The following CAMTA1 variants were observed in gnomAD, a reference collection of about 807,000 sequenced individuals.
CAMTA1 encodes the protein calmodulin-binding transcription activator 1.
CAMTA1 carries 27 observed loss-of-function variants against 170.9 expected under a neutral mutation model. The ratio of observed to expected loss-of-function variants is 0.16; its 90% CI spans 0.12 to 0.22. CAMTA1 has a LOEUF of 0.22. Among genes scored for constraint, CAMTA1 ranks in the 10% least tolerant of loss-of-function variants. The pLI, the probability that CAMTA1 is intolerant of heterozygous loss-of-function variation, is 1.00. For synonymous variants in CAMTA1, 833 were observed against 891.5 expected, an observed-to-expected ratio of 0.93 and a Z score of 1.17; for missense variants, 1,619 against 2,217.2, an observed-to-expected ratio of 0.73 and a Z score of 5.42.
chr1:7,204,805 GTTTCTTTTTTTTTTTTCTTTT>G (rs1657370399), intron 4 of CAMTA1, among the ~76,000 whole-genome samples: 1 of 109,128 alleles, frequency 9.2e-6, no homozygotes. Flanking sequence ...TTGGGTCAGA[GTTTCTTTTTTTTTTTTCTTTT>G]TTTCTTTTTT....
chr1:7,167,264 G>C (rs1326878836), intron 4 of CAMTA1, among the ~76,000 whole-genome samples: 1 of 152,040 alleles, frequency 6.6e-6, no homozygotes, highest in East Asian at 1.9e-4. Flanking sequence ...AATTCATTTT[G>C]TGTAGGAAAA....
chr1:7,030,927 C>A (rs146464779), intron 3 of CAMTA1, among the ~76,000 whole-genome samples: 1 of 151,328 alleles, frequency 6.6e-6, no homozygotes, highest in Admixed American at 6.6e-5. Context: ...CTCCGCCTCC[C>A]GGGTTCACGC....
Position 7,065,506 on chromosome 1 carries a change from A to G in CAMTA1, c.235-25798A>G, listed in dbSNP as rs954790267. ...AGAAACTAATTTTGACTGGGCAACT[A>G]TGCAGAAGAAAGCCCGCTTTAGGAG... On this transcript the variant is annotated intron_variant, in intron 3 of 22. Coordinates refer to ENST00000303635, the MANE Select transcript of CAMTA1 (RefSeq NM_015215.4). The surrounding 1 kb of genome is among the most constrained non-coding windows in gnomAD (Gnocchi z 5.2). Among the ~76,000 whole-genome samples the G allele has an allele frequency of 2.0e-4, 30 of 152,200 alleles. No homozygotes were observed. Among genetic ancestry groups the G allele is most frequent in the African/African-American group, 6.8e-4 (28 of 41,438 alleles).
chr1:7,700,279 C>A (rs1002389051), intron 11 of CAMTA1, among the ~76,000 whole-genome samples: 5 of 152,100 alleles, frequency 3.3e-5, no homozygotes, highest in Admixed American at 6.6e-5. Flanking sequence ...TTGTTGAAGA[C>A]GATTCTTTCC....
intron 3 of CAMTA1, among the ~76,000 whole-genome samples, chr1:7,086,314 G>A (rs892125974): frequency 4.6e-5 from 7 of 152,084 alleles, no homozygotes; most frequent in African/African-American, 4.8e-5. Context: ...CGCCGGGCAC[G>A]CACACACGTG....
intron 5 of CAMTA1, among the ~76,000 whole-genome samples, chr1:7,465,711 G>T (rs1023884167): frequency 3.9e-5 from 6 of 152,174 alleles, no homozygotes; most frequent in African/African-American, 1.4e-4. Flanking sequence ...GGGAAAGCGG[G>T]CCTGGGCCTT....
intron 12 of CAMTA1, among the ~76,000 whole-genome samples, chr1:7,735,736 AT>A (rs1187425947): frequency 6.6e-6 from 1 of 151,904 alleles, no homozygotes; most frequent in East Asian, 1.9e-4. Flanking sequence ...TCTAGTCTCA[AT>A]TTCATGGATG....
At chr1:7,130,325 G>A (rs1645178463) in intron 4 of CAMTA1, among the ~76,000 whole-genome samples, 1 of 152,140 alleles carries the variant, frequency 6.6e-6, no homozygotes, top group Admixed American at 6.5e-5. Context: ...TTATTGCTGA[G>A]TAGTATTCCG....
chr1:7,209,148 A>G (rs771985177), intron 4 of CAMTA1, among the ~76,000 whole-genome samples: 1 of 152,150 alleles, frequency 6.6e-6, no homozygotes, highest in Non-Finnish European at 1.5e-5. Context: ...TAATTGCTTT[A>G]GTTTCCTTGA....
At chr1:7,277,624 A>C (rs1450569392) in intron 5 of CAMTA1, among the ~76,000 whole-genome samples, 1 of 152,148 alleles carries the variant, frequency 6.6e-6, no homozygotes, top group African/African-American at 2.4e-5. Context: ...CTCAGAATAA[A>C]AGCAGTTTTT....
chr1:7,470,741 TG>T (rs1322775832), intron 6 of CAMTA1, among the ~76,000 whole-genome samples: 9 of 152,354 alleles, frequency 5.9e-5, no homozygotes, highest in Non-Finnish European at 1.0e-4. Context: ...TAGCACCCAC[TG>T]CCCCACCTTT....
intron 3 of CAMTA1, among the ~76,000 whole-genome samples, chr1:7,066,730 G>A (rs1351618820): frequency 7.2e-5 from 11 of 152,172 alleles, no homozygotes; most frequent in Admixed American, 5.2e-4. Context: ...TCTGCGACAC[G>A]GGACGGTCAG....
chr1:7,065,894 A>T lies in CAMTA1; in HGVS notation c.235-25410A>T, dbSNP rs186601911. Among the ~76,000 whole-genome samples the T allele has an allele frequency of 3.4e-3, 510 of 152,204 alleles. 1 individual carries two copies. Among genetic ancestry groups the T allele is most frequent in the Admixed American group, 5.0e-3 (76 of 15,298 alleles). ...AAGCAGTCTTAAGACTGGGTGTGAA[A>T]TGGAGAAGAACGCAGCACTGGCTTA... On this transcript the variant is annotated intron_variant, in intron 3 of 22. Coordinates refer to ENST00000303635, the MANE Select transcript of CAMTA1 (RefSeq NM_015215.4). The surrounding 1 kb of genome is among the most constrained non-coding windows in gnomAD (Gnocchi z 5.2).
At chr1:6,941,679 C>T (rs570878328) in intron 3 of CAMTA1, among the ~76,000 whole-genome samples, 106 of 152,318 alleles carry the variant, frequency 7.0e-4, no homozygotes, top group African/African-American at 2.5e-3. Context: ...AAGCTCTCGT[C>T]CTTCATGGGT....
At chr1:7,062,971 C>G (rs1321179602) in intron 3 of CAMTA1, among the ~76,000 whole-genome samples, 1 of 152,210 alleles carries the variant, frequency 6.6e-6, no homozygotes, top group Non-Finnish European at 1.5e-5. Context: ...TCCGTTATGA[C>G]TTCATCTTAA....
chr1:6,928,283 C>T (rs887355478), intron 3 of CAMTA1, among the ~76,000 whole-genome samples: 1 of 152,178 alleles, frequency 6.6e-6, no homozygotes, highest in Admixed American at 6.5e-5. Flanking sequence ...TTGGTGCGTA[C>T]GTGCCCTCTG....
intron 5 of CAMTA1, among the ~76,000 whole-genome samples, chr1:7,365,834 C>A (rs111495708): frequency 6.6e-6 from 1 of 152,288 alleles, no homozygotes; most frequent in Non-Finnish European, 1.5e-5. Flanking sequence ...CTGGTTCCAC[C>A]CAGAGCAATA....
chr1:7,485,858 T>C (rs1221334626), intron 6 of CAMTA1, among the ~76,000 whole-genome samples: 1 of 152,220 alleles, frequency 6.6e-6, no homozygotes, highest in Non-Finnish European at 1.5e-5. Context: ...TCCCTCTCAA[T>C]AGAGATGGTG....
chr1:7,230,444 C>T (rs1319355574), intron 4 of CAMTA1, among the ~76,000 whole-genome samples: 2 of 74,470 alleles, frequency 2.7e-5, no homozygotes, highest in Non-Finnish European at 5.3e-5. Flanking sequence ...CCCCCCCCCC[C>T]GCCCCGCAAA....
Sources: gnomAD v4.1 joint callset for allele counts (sites outside exome capture counted in the v4.1 genomes callset) on GRCh38, gnomAD v4.1.1 for gene constraint, Gnocchi (gnomAD v3.1) non-coding constraint, MANE v1.5 for transcripts, NCBI Gene and HGNC (gene_info 2026-07-23, HGNC 2026-07-21) for gene names.